PIGK: variants seen among roughly 807,000 people sequenced by gnomAD.
PIGK encodes the protein GPI-anchor transamidase.
PIGK carries 42 observed loss-of-function variants against 50.6 expected under a neutral mutation model. The observed-to-expected ratio is 0.83, with a 90% CI of 0.65 to 1.07. The LOEUF is 1.07. Ranked by LOEUF, PIGK falls within the 50% of genes least tolerant of loss-of-function variation. PIGK has a pLI of 0.00. For missense variants in PIGK, 448 were observed against 488.7 expected (o/e 0.92, Z 0.78); for synonymous variants, 151 against 156.0 (o/e 0.97, Z 0.24).
chr1:77,100,465 C>T (rs2100510830), intron 10 of PIGK, among the ~76,000 whole-genome samples: 1 of 152,180 alleles, frequency 6.6e-6, no homozygotes, highest in South Asian at 2.1e-4. Flanking sequence ...TCTAAGATTC[C>T]CTCAACCTGG....
chr1:77,161,419 G>A lies in PIGK; in HGVS notation c.703-14C>T, dbSNP rs775426124. On this transcript the variant is annotated splice_polypyrimidine_tract_variant and intron_variant, in intron 7 of 10. Coordinates refer to ENST00000370812, the MANE Select transcript of PIGK (RefSeq NM_005482.3). ...ATCAGGTTGATGCTATGGAAAGGGG[G>A]AAAAAAAGTATTTCTAACAGTATCA... The A allele has an allele frequency of 3.7e-6, 5 of 1,356,090 alleles. No individual in the cohort carries two copies. The highest frequency in any genetic ancestry group is 4.2e-6 in the Non-Finnish European group (4 of 949,342). 84.0% of individuals were successfully genotyped at this position (1,356,090 alleles called of 1,614,324 possible). A position where few individuals can be genotyped will look rare whatever the true frequency, so the allele number is the denominator to read the frequency against.
intron 9 of PIGK, among the ~76,000 whole-genome samples, chr1:77,149,265 T>C (rs1406851756): frequency 1.3e-5 from 2 of 152,000 alleles, no homozygotes; most frequent in Admixed American, 1.3e-4. Flanking sequence ...TGAATATAAA[T>C]TGACTAAATT....
At chr1:77,115,340 G>A (rs912298521) in intron 10 of PIGK, among the ~76,000 whole-genome samples, 1 of 152,120 alleles carries the variant, frequency 6.6e-6, no homozygotes, top group Non-Finnish European at 1.5e-5. Flanking sequence ...GTTTGTGTAT[G>A]GGCAGAGACT....
chr1:77,146,596 G>A (rs1654774376), intron 9 of PIGK, among the ~76,000 whole-genome samples: 1 of 152,086 alleles, frequency 6.6e-6, no homozygotes, highest in Admixed American at 6.5e-5. Context: ...AGGAGTTCGA[G>A]GCCAGCCTGG....
intron 10 of PIGK, among the ~76,000 whole-genome samples, chr1:77,114,030 G>GAATTTTGA (rs1357833599): frequency 6.6e-6 from 1 of 152,074 alleles, no homozygotes; most frequent in African/African-American, 2.4e-5. Context: ...ATTTGCTGAA[G>GAATTTTGA]AATTTTGAAC....
At chr1:77,152,892 G>A (rs532436516) in intron 9 of PIGK, among the ~76,000 whole-genome samples, 2 of 152,122 alleles carry the variant, frequency 1.3e-5, no homozygotes, top group East Asian at 3.9e-4. Flanking sequence ...GTGGAGAAAA[G>A]GAACACTCAT....
chr1:77,098,166 T>C (rs1360409267), intron 10 of PIGK, among the ~76,000 whole-genome samples: 1 of 152,066 alleles, frequency 6.6e-6, no homozygotes, highest in Non-Finnish European at 1.5e-5. Context: ...GGAAACAAAA[T>C]CAATTTTGTT....
At chr1:77,211,343 G>A (rs570621421) in intron 1 of PIGK, among the ~76,000 whole-genome samples, 59 of 151,398 alleles carry the variant, frequency 3.9e-4, no homozygotes, top group Non-Finnish European at 6.6e-4. Flanking sequence ...AACTGAAACC[G>A]CATGGTTGAT....
chr1:77,093,696 C>T (rs1300853393), intron 10 of PIGK, among the ~76,000 whole-genome samples: 2 of 152,096 alleles, frequency 1.3e-5, no homozygotes, highest in African/African-American at 2.4e-5. Context: ...TCAACCTCTA[C>T]CAGTCCATCC....
In PIGK at chr1:77,219,389, T is replaced by A; in HGVS notation, c.14A>T (p.Asp5Val). The A allele has an allele frequency of 6.2e-7, 1 of 1,613,534 alleles. No individual in the cohort carries two copies. The highest frequency in any genetic ancestry group is 8.5e-7 in the Non-Finnish European group (1 of 1,179,712). ...GACAGTCGCAGCCCGGCTGAGGCTG[T>A]CGGTGACGGCCATGTTTACCGGCTT... is the stretch of plus-strand genomic sequence containing the variant. The part of the protein sequence containing the change: MAVT[D>V]SLSRAATVLA... Residue 5 changes from aspartate to valine, a missense_variant, in exon 1 of 11, where the codon GAC becomes GTC. Transcript: ENST00000370812.
rs1320608799 is a variant in PIGK, at chr1:77,150,088, AG to A, written c.986+4360del. Among the ~76,000 whole-genome samples the A allele has an allele frequency of 7.9e-5, 12 of 152,304 alleles. No homozygotes were observed. The East Asian group carries it at 1.9e-3, about 24-fold the overall frequency. ...ATATCAGAATATGGGATACAGTAAA[AG>A]TAGTATTAAAAGGAAAGTTTATAGC... On this transcript the variant is annotated intron_variant, in intron 9 of 10. Transcript: ENST00000370812.
chr1:77,187,666 T>C (rs1046942173), intron 3 of PIGK, among the ~76,000 whole-genome samples: 17 of 152,140 alleles, frequency 1.1e-4, no homozygotes, highest in African/African-American at 4.1e-4. Flanking sequence ...CATTAGGGCA[T>C]TTCTTAGTAT....
In PIGK at chr1:77,178,571, C is replaced by T. The variant is rs534871552; in HGVS notation, c.240-9176G>A. On this transcript the variant is annotated intron_variant, in intron 3 of 10. Transcript: ENST00000370812. ...TAGAGATTCAGTTTTAGGGCATTAA[C>T]GGAGAGACTGCTTAGTTAAGTGAGT... Among the ~76,000 whole-genome samples the T allele has an allele frequency of 3.4e-5, 5 of 148,210 alleles. No homozygotes were observed. The South Asian group carries it at 6.5e-4, about 19-fold the overall frequency.
At chr1:77,092,842 T>C (rs1251540907) in intron 10 of PIGK, among the ~76,000 whole-genome samples, 1 of 152,142 alleles carries the variant, frequency 6.6e-6, no homozygotes, top group Non-Finnish European at 1.5e-5. Flanking sequence ...GTTTTATCTA[T>C]CTCTATTAGA....
At chr1:77,194,974 G>A in intron 3 of PIGK, 2 of 633,206 alleles carry the variant, frequency 3.2e-6, no homozygotes, top group Non-Finnish European at 6.0e-6. Context: ...GTGGAGCAGA[G>A]GATCACGTGG....
intron 2 of PIGK, 84 bp from the exon 3 acceptor site, chr1:77,206,815 A>C (rs1656298127): frequency 2.5e-6 from 2 of 792,004 alleles, no homozygotes; most frequent in Non-Finnish European, 4.3e-6. Flanking sequence ...AGTAGGATAC[A>C]GAGATCTCTA....
intron 10 of PIGK, among the ~76,000 whole-genome samples, chr1:77,114,323 T>G (rs1653917300): frequency 6.6e-6 from 1 of 152,140 alleles, no homozygotes; most frequent in South Asian, 2.1e-4. Flanking sequence ...GGGAACAATT[T>G]CATCAACGGT....
At chr1:77,117,811 T>C (rs1459469558) in intron 10 of PIGK, among the ~76,000 whole-genome samples, 1 of 152,216 alleles carries the variant, frequency 6.6e-6, no homozygotes, top group Non-Finnish European at 1.5e-5. Context: ...TTTAGTAGTG[T>C]TCTTCAGGAG....
Position 77,185,692 on chromosome 1 carries a change from C to T in PIGK, c.240-16297G>A, listed in dbSNP as rs571706393. ...TCCAGAACAGGAGAAGGCTCTGCAACAGGTCCAGGCTGCTGTGCAAGCTGC... is the reference window on the plus strand; with the variant it reads ...TCCAGAACAGGAGAAGGCTCTGCAATAGGTCCAGGCTGCTGTGCAAGCTGC... On this transcript the variant is annotated intron_variant, in intron 3 of 10. Transcript: ENST00000370812. Among the ~76,000 whole-genome samples the T allele has an allele frequency of 8.5e-4, 129 of 152,318 alleles. 1 individual carries two copies. Among genetic ancestry groups the T allele is most frequent in the African/African-American group, 3.1e-3 (128 of 41,576 alleles).
Sources: allele counts gnomAD v4.1 joint callset (sites outside exome capture counted in the v4.1 genomes callset), GRCh38; gene constraint gnomAD v4.1.1; transcripts MANE v1.5; gene names NCBI Gene and HGNC (gene_info 2026-07-23, HGNC 2026-07-21).